Variants in OPRM1 observed in about 807,000 individuals in gnomAD.
OPRM1 encodes the protein mu-type opioid receptor.
OPRM1 carries 27 observed loss-of-function variants against 31.8 expected under a neutral mutation model. The observed-to-expected ratio is 0.85, with a 90% CI of 0.63 to 1.17. The LOEUF is 1.17. Among genes scored for constraint, OPRM1 ranks in the 50% most tolerant of loss-of-function variants. OPRM1 has a pLI of 0.00. For synonymous variants in OPRM1, 196 were observed against 189.9 expected (o/e 1.03, Z -0.26); for missense variants, 536 against 511.1 (o/e 1.05, Z -0.47).
chr6:154,010,662 T>C, exon 1 of OPRM1: 1 of 1,478,992 alleles, frequency 6.8e-7, no homozygotes, highest in Non-Finnish European at 9.0e-7. Context: ...CACTGGAAGA[T>C]AGGAAAGCAA....
chr6:154,214,206 A>G, intron 3 of OPRM1: 1 of 1,574,706 alleles, frequency 6.4e-7, no homozygotes, highest in Non-Finnish European at 8.7e-7. Flanking sequence ...AGAAATTTAA[A>G]ATAGAACATA....
chr6:154,151,449 T>G (rs1449391921), intron 3 of OPRM1, among the ~76,000 whole-genome samples: 1 of 152,168 alleles, frequency 6.6e-6, no homozygotes. Context: ...GCACCACAGC[T>G]GTCAGTCATT....
chr6:154,093,478 C>T (rs370555386), intron 3 of OPRM1: 1 of 1,610,856 alleles, frequency 6.2e-7, no homozygotes, highest in East Asian at 2.2e-5. Flanking sequence ...CCGACACTGC[C>T]CTTGACTCCC....
rs542540704 is a variant in OPRM1, at chr6:154,075,251, T to G, written c.291-14575T>G. On this transcript the variant is annotated intron_variant, in intron 1 of 3. Coordinates refer to ENST00000330432, the MANE Select transcript of OPRM1 (RefSeq NM_000914.5). ...TCTCTTAGAGGTTACATCCTCAACTTACACTAGAAACATGCTTTTTAGAGA... is the reference window on the plus strand; with the variant it reads ...TCTCTTAGAGGTTACATCCTCAACTGACACTAGAAACATGCTTTTTAGAGA... 3.3e-5 allele frequency among the ~76,000 whole-genome samples: 5 copies of G among 152,278 alleles called. No individual in the cohort carries two copies. In the East Asian group the frequency reaches 7.7e-4, roughly 24 times the overall value.
At chr6:154,165,803 A>T (rs1441146504) in intron 3 of OPRM1, among the ~76,000 whole-genome samples, 1 of 151,958 alleles carries the variant, frequency 6.6e-6, no homozygotes, top group Non-Finnish European at 1.5e-5. Context: ...TCACTCACTC[A>T]CTCTCACTGT....
At chr6:154,221,333 A>C (rs1778843730) in intron 3 of OPRM1, 10 of 1,613,164 alleles carry the variant, frequency 6.2e-6, no homozygotes, top group Non-Finnish European at 7.6e-6. Context: ...AAAGCACTTG[A>C]AGGAGGAAAA....
chr6:154,041,105 T>C (rs975148518), intron 1 of OPRM1, among the ~76,000 whole-genome samples: 1 of 152,192 alleles, frequency 6.6e-6, no homozygotes, highest in African/African-American at 2.4e-5. Context: ...AATTGCTCTC[T>C]CCAGTATGCT....
rs970958317 is a variant in OPRM1, at chr6:154,123,936, C to T, written c.*5215C>T. ...CGTGACCTGTACCTTGTGCCAACCT[C>T]CTATCTCTTCCTGTGACTTGGAATG... On this transcript the variant is annotated 3_prime_UTR_variant, in exon 4 of 4. Transcript: ENST00000330432. 1.3e-5 allele frequency among the ~76,000 whole-genome samples: 2 copies of T among 152,278 alleles called. No individual in the cohort carries two copies. The highest frequency in any genetic ancestry group is 3.9e-4 in the East Asian group (2 of 5,190).
Position 154,119,537 on chromosome 6 carries a change from C to T in OPRM1, c.*816C>T, listed in dbSNP as rs1050403681. On this transcript the variant is annotated 3_prime_UTR_variant, in exon 4 of 4. Transcript: ENST00000330432. Reference sequence around the variant, plus strand: ...ATAGTCAATGAGCTCATCACTTCATCCATGCAGGAAGTCAAGCATTAAAAT... The same window carrying T: ...ATAGTCAATGAGCTCATCACTTCATTCATGCAGGAAGTCAAGCATTAAAAT... The T allele has an allele frequency of 3.2e-6, 2 of 634,470 alleles. No homozygotes were observed. The highest frequency in any genetic ancestry group is 3.9e-6 in the Non-Finnish European group (2 of 509,608). 39.3% of individuals were successfully genotyped at this position (634,470 alleles called of 1,614,324 possible).
At chr6:154,156,222 G>C (rs1462840304) in intron 3 of OPRM1, 1 of 152,304 alleles carries the variant, frequency 6.6e-6, no homozygotes, top group Non-Finnish European at 1.5e-5. Context: ...GGACCACTAG[G>C]AGGAGACTGT....
rs73567113 is a variant in OPRM1 at position 154,186,481 on chromosome 6, A to G, written c.1165-60212A>G. Among the ~76,000 whole-genome samples, 1,481 of 152,102 alleles carry G rather than the reference A, an allele frequency of 9.7e-3. 24 individuals carry two copies. The highest frequency in any genetic ancestry group is 0.035 in the African/African-American group (1,439 of 41,482). On this transcript the variant is annotated intron_variant, in intron 3 of 3. Transcript: ENST00000337049. ...CTCCACCTGAACACAGGCAGCAGCC[A>G]CCTCGCCGCCTATCCTCCTTTCGCA...
At chr6:154,216,964 A>G (rs1778447662) in intron 3 of OPRM1, 1 of 162,716 alleles carries the variant, frequency 6.1e-6, no homozygotes, top group African/African-American at 2.4e-5. Flanking sequence ...AAAAAACCCC[A>G]TAAAACCATG....
intron 3 of OPRM1, among the ~76,000 whole-genome samples, chr6:154,115,057 G>A (rs1796724762): frequency 6.6e-6 from 1 of 152,172 alleles, no homozygotes; most frequent in Middle Eastern, 3.4e-3. Flanking sequence ...TCAGCCCTGG[G>A]AGCCGCAAAA....
chr6:154,107,588 G>A (rs1031505850), intron 3 of OPRM1: 1 of 718,396 alleles, frequency 1.4e-6, no homozygotes, highest in Non-Finnish European at 2.6e-6. Context: ...GTTTGCAAAG[G>A]CTTGTAACTA....
At chr6:154,208,391 C>A (rs141392741) in intron 3 of OPRM1, among the ~76,000 whole-genome samples, 29 of 152,292 alleles carry the variant, frequency 1.9e-4, no homozygotes, top group African/African-American at 6.0e-4. Flanking sequence ...AGCTCTCAGT[C>A]GGACGTGTCC....
chr6:154,149,184 G>T (rs755920488), intron 3 of OPRM1, among the ~76,000 whole-genome samples: 6 of 152,124 alleles, frequency 3.9e-5, no homozygotes, highest in Non-Finnish European at 8.8e-5. Flanking sequence ...ACGTGGCTGG[G>T]GAGGCCTCAG....
At chr6:154,222,099 G>A (rs1778912330) in intron 3 of OPRM1, among the ~76,000 whole-genome samples, 1 of 152,188 alleles carries the variant, frequency 6.6e-6, no homozygotes, top group East Asian at 1.9e-4. Flanking sequence ...CGTCCACTCT[G>A]CAGCAACACA....
At chr6:154,080,001 A>G (rs1788735140) in intron 1 of OPRM1, among the ~76,000 whole-genome samples, 1 of 152,372 alleles carries the variant, frequency 6.6e-6, no homozygotes, top group East Asian at 1.9e-4. Flanking sequence ...ATCATATTCT[A>G]TATGGAAAAG....
intron 3 of OPRM1, among the ~76,000 whole-genome samples, chr6:154,102,052 G>A (rs554994035): frequency 6.8e-4 from 103 of 152,100 alleles, no homozygotes; most frequent in African/African-American, 3.6e-4. Context: ...TGATCCTCCT[G>A]CCTCAGCCTC....
Sources: gnomAD v4.1 joint callset for allele counts (sites outside exome capture counted in the v4.1 genomes callset) on GRCh38, gnomAD v4.1.1 for gene constraint, MANE v1.5 for transcripts, NCBI Gene and HGNC (gene_info 2026-07-23, HGNC 2026-07-21) for gene names.